MAP3K7CL: variants seen among roughly 807,000 people sequenced by gnomAD.
MAP3K7CL encodes the protein MAP3K7 C-terminal-like protein.
MAP3K7CL carries 16 observed loss-of-function variants against 18.6 expected under a neutral mutation model. That is an observed-to-expected ratio of 0.86 (90% confidence interval 0.58 to 1.31). MAP3K7CL has a LOEUF of 1.31. Among genes scored for constraint, MAP3K7CL ranks in the 50% most tolerant of loss-of-function variants. The pLI, the probability that MAP3K7CL is intolerant of heterozygous loss-of-function variation, is 0.00. For missense variants in MAP3K7CL, 163 were observed against 174.4 expected (o/e 0.93, Z 0.37); for synonymous variants, 65 against 66.8 (o/e 0.97, Z 0.13).
chr21:29,151,675 C>T lies in MAP3K7CL; in HGVS notation c.132+2425C>T, dbSNP rs189373829. On this transcript the variant is annotated intron_variant, in intron 3 of 4. Coordinates refer to ENST00000399928, the MANE Select transcript of MAP3K7CL (RefSeq NM_001286620.2). ...CTAAAAGCATATTCAGGCTATTGTT[C>T]TCTCATCAAATTATGGATCATTAAT... Among the ~76,000 whole-genome samples the T allele has an allele frequency of 2.0e-5, 3 of 152,208 alleles. No individual in the cohort carries two copies. The East Asian group carries it at 5.8e-4, about 29-fold the overall frequency.
In MAP3K7CL at chr21:29,120,675, TTTC is replaced by T. The variant is rs537302128; in HGVS notation, c.370+28097_370+28099del. Among the ~76,000 whole-genome samples the T allele has an allele frequency of 9.9e-3, 434 of 43,710 alleles. 1 individual carries two copies. The highest frequency in any genetic ancestry group is 0.025 in the African/African-American group (418 of 16,420). 28.7% of individuals were successfully genotyped at this position (43,710 alleles called of 152,430 possible). The stretch of plus-strand genomic sequence containing the variant: ...AGTCTCTTTTCTTTCTTTCTTTTTC[TTTC>T]TTTCTTTCTTTCTGTTTCTTTCTTT... On this transcript the variant is annotated intron_variant, in intron 4 of 6. Coordinates refer to the MAP3K7CL transcript ENST00000286791.
chr21:29,100,376 G>A (rs2086206027), intron 4 of MAP3K7CL, among the ~76,000 whole-genome samples: 1 of 152,186 alleles, frequency 6.6e-6, no homozygotes, highest in Non-Finnish European at 1.5e-5. Context: ...TGAATACTTT[G>A]TTTCAGTCCT....
intron 4 of MAP3K7CL, among the ~76,000 whole-genome samples, chr21:29,105,815 T>C (rs1403011674): frequency 2.6e-5 from 4 of 152,180 alleles, no homozygotes; most frequent in Non-Finnish European, 5.9e-5. Context: ...CTGGAGTTGA[T>C]GCTTGGATAG....
intron 4 of MAP3K7CL, among the ~76,000 whole-genome samples, chr21:29,171,702 G>A (rs2087831839): frequency 6.6e-6 from 1 of 151,102 alleles, no homozygotes; most frequent in Non-Finnish European, 1.5e-5. Context: ...AGCTACTCGC[G>A]AGGCTGAGGC....
At chr21:29,122,221 G>A (rs946391647) in intron 4 of MAP3K7CL, 3 of 152,244 alleles carry the variant, frequency 2.0e-5, no homozygotes, top group South Asian at 4.1e-4. Context: ...CAGGTAAGTG[G>A]GTGCGGGGGC....
At chr21:29,140,505 C>T (rs1289157441) in intron 2 of MAP3K7CL, among the ~76,000 whole-genome samples, 3 of 152,180 alleles carry the variant, frequency 2.0e-5, no homozygotes, top group Non-Finnish European at 2.9e-5. Context: ...TGCTTCAAAT[C>T]ATGCAACTAA....
At chr21:29,104,990 G>A (rs973641911) in intron 4 of MAP3K7CL, among the ~76,000 whole-genome samples, 1 of 152,170 alleles carries the variant, frequency 6.6e-6, no homozygotes, top group Admixed American at 6.5e-5. Context: ...CATGCATAGG[G>A]AACTGGAGAT....
intron 4 of MAP3K7CL, among the ~76,000 whole-genome samples, chr21:29,103,425 T>A (rs2086266696): frequency 6.6e-6 from 1 of 150,676 alleles, no homozygotes; most frequent in Non-Finnish European, 1.5e-5. Flanking sequence ...GACCCATCTC[T>A]ACAAAAAAAA....
chr21:29,142,566 A>C (rs1601232902), intron 2 of MAP3K7CL, among the ~76,000 whole-genome samples: 2 of 152,326 alleles, frequency 1.3e-5, no homozygotes, highest in South Asian at 4.1e-4. Context: ...GCTTGATAGA[A>C]TAGACATGGG....
In MAP3K7CL at chr21:29,175,491, A is replaced by G. The variant is rs1333108617; in HGVS notation, c.*599A>G. On this transcript the variant is annotated 3_prime_UTR_variant, in exon 5 of 5. Transcript: ENST00000399928. ...CTTCATGAAATTATTAGCAGAAACCATGTTTGTAACCAAAGCACATTTGCC... is the reference window on the plus strand; with the variant it reads ...CTTCATGAAATTATTAGCAGAAACCGTGTTTGTAACCAAAGCACATTTGCC... 1.3e-5 allele frequency: 2 copies of G among 152,236 alleles called. No homozygotes were observed. Among genetic ancestry groups the G allele is most frequent in the Non-Finnish European group, 2.9e-5 (2 of 68,042 alleles). The allele number at this position is 152,236 out of a possible 1,614,324, so 9.4% of individuals were successfully genotyped here. A position where few individuals can be genotyped will look rare whatever the true frequency, so the allele number is the denominator to read the frequency against.
rs201546448 is a variant in MAP3K7CL at position 29,090,759 on chromosome 21, C to CT, written c.58-729dup. Among the ~76,000 whole-genome samples, 541 of 145,590 alleles carry CT rather than the reference C, an allele frequency of 3.7e-3. 6 individuals are homozygous for CT. Among genetic ancestry groups the CT allele is most frequent in the African/African-American group, 0.011 (452 of 40,008 alleles). On this transcript the variant is annotated intron_variant, in intron 1 of 6. Transcript: ENST00000286791. ...ATCATCAAGCCTGTGGCCTTCCTCA[C>CT]TTTTTTTTTTTTTAAAATTGCTGCA...
intron 4 of MAP3K7CL, among the ~76,000 whole-genome samples, chr21:29,106,393 GCTGGT>G (rs1426966305): frequency 2.0e-5 from 3 of 152,142 alleles, no homozygotes; most frequent in Non-Finnish European, 2.9e-5. Flanking sequence ...TGTTGGCCAG[GCTGGT>G]CTCGAATCCC....
intron 2 of MAP3K7CL, among the ~76,000 whole-genome samples, chr21:29,137,611 A>C (rs1326873936): frequency 1.3e-5 from 2 of 152,188 alleles, no homozygotes; most frequent in Admixed American, 6.5e-5. Flanking sequence ...AGCAAAACTT[A>C]AGAGTCAGGA....
intron 4 of MAP3K7CL, among the ~76,000 whole-genome samples, chr21:29,102,853 T>C (rs1242075372): frequency 6.6e-6 from 1 of 152,154 alleles, no homozygotes; most frequent in Non-Finnish European, 1.5e-5. Flanking sequence ...AGCAACCCTA[T>C]AGAGGGGTCC....
At chr21:29,097,723 T>A (rs2086148033) in intron 4 of MAP3K7CL, among the ~76,000 whole-genome samples, 1 of 152,144 alleles carries the variant, frequency 6.6e-6, no homozygotes. Flanking sequence ...TGCAAAGATA[T>A]AATTTATATG....
At chr21:29,135,050 CA>C (rs147529791) in intron 2 of MAP3K7CL, among the ~76,000 whole-genome samples, 20 of 118,340 alleles carry the variant, frequency 1.7e-4, no homozygotes, top group Non-Finnish European at 2.8e-4. Context: ...GACTCCATCT[CA>C]AAAAAAAAAC....
chr21:29,101,630 G>A (rs921316016), intron 4 of MAP3K7CL, among the ~76,000 whole-genome samples: 3 of 152,022 alleles, frequency 2.0e-5, no homozygotes, highest in South Asian at 2.1e-4. Flanking sequence ...GGATGGTCTC[G>A]ATCTCCTGAC....
chr21:29,169,287 A>G (rs987909601), intron 4 of MAP3K7CL, among the ~76,000 whole-genome samples: 2 of 152,098 alleles, frequency 1.3e-5, no homozygotes, highest in Non-Finnish European at 2.9e-5. Context: ...ATATTAGTAC[A>G]TTTCTTCATG....
intron 1 of MAP3K7CL, among the ~76,000 whole-genome samples, chr21:29,091,152 C>T (rs745619451): frequency 1.3e-5 from 2 of 152,190 alleles, no homozygotes; most frequent in African/African-American, 4.8e-5. Flanking sequence ...TACTGGACAA[C>T]ACATCTATAT....
Sources: gnomAD v4.1 joint callset for allele counts (sites outside exome capture counted in the v4.1 genomes callset) on GRCh38, gnomAD v4.1.1 for gene constraint, MANE v1.5 for transcripts, NCBI Gene and HGNC (gene_info 2026-07-23, HGNC 2026-07-21) for gene names.